Variants in SLC25A12 observed in about 807,000 individuals in gnomAD.
SLC25A12 encodes the protein solute carrier family 25 member 12, also known as electrogenic aspartate/glutamate antiporter SLC25A12, mitochondrial.
In SLC25A12, 32 loss-of-function variants were observed where a neutral mutation model predicts 83.3. The ratio of observed to expected loss-of-function variants is 0.38; its 90% CI spans 0.29 to 0.52. SLC25A12 has a LOEUF of 0.52. Ranked by LOEUF, SLC25A12 falls within the 20% of genes least tolerant of loss-of-function variation. The pLI is 0.84. For synonymous variants in SLC25A12, 267 were observed against 291.1 expected, an observed-to-expected ratio of 0.92 and a Z score of 0.84; for missense variants, 611 against 835.6, an observed-to-expected ratio of 0.73 and a Z score of 3.31.
At chr2:171,856,892 A>T (rs1469652898) in intron 3 of SLC25A12, among the ~76,000 whole-genome samples, 1 of 152,214 alleles carries the variant, frequency 6.6e-6, no homozygotes, top group Non-Finnish European at 1.5e-5. Flanking sequence ...TCTTTTAGAG[A>T]TACACAGTGA....
At chr2:171,887,616 T>C (rs993426183) in intron 2 of SLC25A12, among the ~76,000 whole-genome samples, 1 of 152,254 alleles carries the variant, frequency 6.6e-6, no homozygotes, top group Non-Finnish European at 1.5e-5. Flanking sequence ...TCTTCACTGC[T>C]TCTATTGTCT....
chr2:171,798,826 T>A (rs1683652639), intron 13 of SLC25A12, among the ~76,000 whole-genome samples: 1 of 152,216 alleles, frequency 6.6e-6, no homozygotes, highest in Non-Finnish European at 1.5e-5. Context: ...TACTCCTAAC[T>A]AGGGTAAGGG....
intron 9 of SLC25A12, among the ~76,000 whole-genome samples, chr2:171,823,201 A>C (rs950463462): frequency 6.6e-6 from 1 of 152,250 alleles, no homozygotes; most frequent in Admixed American, 6.5e-5. Flanking sequence ...TAAGAACTTA[A>C]GCATATTTTC....
intron 9 of SLC25A12, among the ~76,000 whole-genome samples, chr2:171,816,105 G>A (rs77742160): frequency 8.4e-4 from 104 of 123,758 alleles, no homozygotes; most frequent in African/African-American, 3.1e-3. Context: ...TCACTCTGAT[G>A]CCTAGGCTGG....
intron 2 of SLC25A12, among the ~76,000 whole-genome samples, chr2:171,870,971 C>T (rs943966464): frequency 2.0e-5 from 3 of 151,792 alleles, no homozygotes; most frequent in African/African-American, 7.3e-5. Flanking sequence ...CTTTGGGAGG[C>T]CAAGGCAGGA....
chr2:171,797,622 C>G (rs1178068981), intron 13 of SLC25A12, among the ~76,000 whole-genome samples: 3 of 152,074 alleles, frequency 2.0e-5, no homozygotes, highest in Admixed American at 2.0e-4. Context: ...CTCGCATATT[C>G]TTCTTCATGG....
At chr2:171,806,557 C>A (rs1374773119) in intron 13 of SLC25A12, among the ~76,000 whole-genome samples, 1 of 152,162 alleles carries the variant, frequency 6.6e-6, no homozygotes, top group African/African-American at 2.4e-5. Context: ...ACTTCTAGGT[C>A]ACTTCATGAT....
intron 4 of SLC25A12, among the ~76,000 whole-genome samples, chr2:171,848,963 G>A (rs978796511): frequency 6.6e-6 from 1 of 152,018 alleles, no homozygotes; most frequent in Non-Finnish European, 1.5e-5. Context: ...GCCAAGGCAG[G>A]TGGATCACCT....
intron 4 of SLC25A12, among the ~76,000 whole-genome samples, chr2:171,847,808 A>G (rs1684831818): frequency 6.6e-6 from 1 of 152,214 alleles, no homozygotes; most frequent in Non-Finnish European, 1.5e-5. Flanking sequence ...GGGATGGTTT[A>G]TACTTCCATT....
chr2:171,832,653 T>C (rs1365547449), intron 8 of SLC25A12, among the ~76,000 whole-genome samples: 1 of 152,212 alleles, frequency 6.6e-6, no homozygotes, highest in African/African-American at 2.4e-5. Flanking sequence ...TAGGAATAAC[T>C]GCAGGAATAG....
intron 9 of SLC25A12, among the ~76,000 whole-genome samples, chr2:171,817,602 A>AAAAAAAC (rs920919382): frequency 7.3e-6 from 1 of 136,204 alleles, no homozygotes; most frequent in Non-Finnish European, 1.7e-5. Flanking sequence ...CTCTGCCTCA[A>AAAAAAAC]AAAAAAAAAA....
intron 17 of SLC25A12, 143 bp from the exon 18 acceptor site, chr2:171,785,618 A>G: frequency 1.4e-6 from 1 of 732,432 alleles, no homozygotes; most frequent in Non-Finnish European, 2.4e-6. Context: ...CTGCATGACT[A>G]GAAACCACAG....
chr2:171,827,984 C>A (rs1684346699), intron 8 of SLC25A12, among the ~76,000 whole-genome samples: 1 of 152,204 alleles, frequency 6.6e-6, no homozygotes, highest in African/African-American at 2.4e-5. Context: ...CAACACGGGA[C>A]CCTCCACAGA....
At chr2:171,844,234 G>A in intron 5 of SLC25A12, 135 bp downstream of exon 5, 1 of 850,404 alleles carries the variant, frequency 1.2e-6, no homozygotes, top group Non-Finnish European at 1.9e-6. Context: ...AGTTGTCTCT[G>A]GCGAGGGGGA....
chr2:171,867,226 G>A (rs1407002436), intron 3 of SLC25A12, among the ~76,000 whole-genome samples: 246 of 140,726 alleles, frequency 1.7e-3, no homozygotes, highest in South Asian at 3.6e-3. Flanking sequence ...CTTCCCAGAC[G>A]GGGTGGCGGC....
chr2:171,852,705 GAAGTT>G (rs1271868463), intron 4 of SLC25A12: 31 of 455,026 alleles, frequency 6.8e-5, no homozygotes, highest in Middle Eastern at 3.3e-4. Flanking sequence ...AAATAAACTC[GAAGTT>G]AATTACTTCC....
intron 9 of SLC25A12, among the ~76,000 whole-genome samples, chr2:171,815,701 TA>T (rs1684037850): frequency 6.6e-6 from 1 of 152,102 alleles, no homozygotes; most frequent in Non-Finnish European, 1.5e-5. Context: ...AGTTCTAACA[TA>T]AAAATCTATA....
intron 2 of SLC25A12, among the ~76,000 whole-genome samples, chr2:171,871,134 C>T (rs1474578639): frequency 1.3e-5 from 2 of 151,936 alleles, no homozygotes; most frequent in South Asian, 2.1e-4. Context: ...CTTGGGAGGT[C>T]GAGACTACAG....
chr2:171,788,279 C>A, intron 15 of SLC25A12: 1 of 235,316 alleles, frequency 4.2e-6, no homozygotes. Context: ...TATTTTACCT[C>A]CTTTTTTTCT....
Sources: allele counts gnomAD v4.1 joint callset (sites outside exome capture counted in the v4.1 genomes callset), GRCh38; gene constraint gnomAD v4.1.1; transcripts MANE v1.5; gene names NCBI Gene and HGNC (gene_info 2026-07-23, HGNC 2026-07-21).